The following POT1 variants were observed in gnomAD, a reference collection of about 807,000 sequenced individuals.
The protein encoded by POT1 is protection of telomeres protein 1.
A neutral mutation model predicts 78.5 loss-of-function variants in POT1; 47 were observed. The observed-to-expected ratio is 0.60, with a 90% CI of 0.47 to 0.76. The LOEUF (loss-of-function observed/expected upper bound fraction) is 0.76. Among genes scored for constraint, POT1 ranks in the 30% least tolerant of loss-of-function variants. POT1 has a pLI of 0.00. For synonymous variants in POT1, 259 were observed against 260.7 expected, an observed-to-expected ratio of 0.99 and a Z score of 0.06; for missense variants, 646 against 749.9, an observed-to-expected ratio of 0.86 and a Z score of 1.62.
At chr7:124,831,961 A>G (rs4731218) in intron 15 of POT1, among the ~76,000 whole-genome samples, 59,272 of 148,880 alleles carry the variant, frequency 0.4, 11,986 homozygotes, top group East Asian at 0.5. Context: ...TTGATATGGC[A>G]TTATACTACT....
intron 14 of POT1, 143 bp downstream of exon 14, chr7:124,840,830 C>T: frequency 1.7e-6 from 1 of 573,418 alleles, no homozygotes; most frequent in Non-Finnish European, 3.0e-6. Flanking sequence ...ACCTAGTTAA[C>T]ATATATATTC....
intron 6 of POT1, among the ~76,000 whole-genome samples, chr7:124,875,887 A>C (rs1479211975): frequency 6.6e-6 from 1 of 152,190 alleles, no homozygotes; most frequent in East Asian, 1.9e-4. Flanking sequence ...GCATTCTTTC[A>C]TCTTACATGA....
intron 6 of POT1, among the ~76,000 whole-genome samples, chr7:124,889,374 A>G (rs534697658): frequency 6.6e-6 from 1 of 152,102 alleles, no homozygotes; most frequent in Non-Finnish European, 1.5e-5. Context: ...ATGGCATTTC[A>G]GAAAAGAAGC....
At chr7:124,861,377 A>G (rs1018818146) in intron 8 of POT1, among the ~76,000 whole-genome samples, 3 of 152,162 alleles carry the variant, frequency 2.0e-5, no homozygotes, top group African/African-American at 7.2e-5. Flanking sequence ...TTCTTTTCAT[A>G]TGTCTGTTAG....
chr7:124,922,055 A>C (rs1320205009), intron 2 of POT1, among the ~76,000 whole-genome samples: 45 of 152,040 alleles, frequency 3.0e-4, no homozygotes, highest in Admixed American at 2.9e-3. Context: ...AAAAATGCAA[A>C]TCACATACGA....
intron 14 of POT1, among the ~76,000 whole-genome samples, chr7:124,838,865 A>G (rs747746289): frequency 3.9e-5 from 6 of 152,150 alleles, no homozygotes; most frequent in Non-Finnish European, 2.9e-5. Flanking sequence ...TCGGCCTCCC[A>G]AAGTGCTAAG....
chr7:124,851,805 G>T (rs1795312880), intron 11 of POT1, 67 bp downstream of exon 11: 1 of 1,088,726 alleles, frequency 9.2e-7, no homozygotes. Context: ...ACATTACAAA[G>T]AATTATGTTG....
chr7:124,830,006 T>C (rs1350751981), intron 15 of POT1, among the ~76,000 whole-genome samples: 1 of 152,134 alleles, frequency 6.6e-6, no homozygotes, highest in Non-Finnish European at 1.5e-5. Flanking sequence ...CCTCTGTAAG[T>C]AATATCTTAA....
intron 3 of POT1, among the ~76,000 whole-genome samples, chr7:124,902,004 C>G (rs1296957503): frequency 6.6e-6 from 1 of 152,068 alleles, no homozygotes; most frequent in Non-Finnish European, 1.5e-5. Context: ...TGAACAAAGC[C>G]TCCAAGAAAT....
At chr7:124,897,093 C>T in intron 5 of POT1, 72 bp downstream of exon 5, 1 of 900,438 alleles carries the variant, frequency 1.1e-6, no homozygotes, top group African/African-American at 1.7e-5. Flanking sequence ...AATATACATA[C>T]ACATGTATCT....
chr7:124,825,650 A>T (rs982853540), intron 17 of POT1, among the ~76,000 whole-genome samples: 8 of 152,166 alleles, frequency 5.3e-5, no homozygotes, highest in Non-Finnish European at 1.2e-4. Context: ...CTTTGTGCAT[A>T]GAAAAAAAAA....
chr7:124,906,971 A>C (rs143426845), intron 3 of POT1, among the ~76,000 whole-genome samples: 1,663 of 152,250 alleles, frequency 0.011, 37 homozygotes, highest in Non-Finnish European at 0.011. Context: ...AGCTTCTGAG[A>C]AGAGCATACT....
chr7:124,928,701 T>C (rs1048563965), intron 2 of POT1, 114 bp downstream of exon 2: 26 of 152,566 alleles, frequency 1.7e-4, no homozygotes, highest in African/African-American at 6.3e-4. Flanking sequence ...CAATCTCAAA[T>C]GTTATGACAA....
intron 13 of POT1, among the ~76,000 whole-genome samples, 193 bp downstream of exon 13, chr7:124,842,614 C>G (rs548795649): frequency 7.2e-4 from 109 of 152,056 alleles, no homozygotes; most frequent in African/African-American, 2.5e-3. Context: ...CTGAAAATAG[C>G]ACCCACTTTT....
chr7:124,826,810 A>C (rs922957808), intron 17 of POT1, among the ~76,000 whole-genome samples: 1 of 152,240 alleles, frequency 6.6e-6, no homozygotes, highest in Non-Finnish European at 1.5e-5. Context: ...CGGAGGTTGC[A>C]GTGAGCTGAG....
At chr7:124,910,750 C>G (rs1157808371) in intron 3 of POT1, among the ~76,000 whole-genome samples, 1 of 151,932 alleles carries the variant, frequency 6.6e-6, no homozygotes, top group Non-Finnish European at 1.5e-5. Context: ...CATCATACCT[C>G]AAAACATCTA....
intron 3 of POT1, among the ~76,000 whole-genome samples, chr7:124,914,425 T>C (rs780975700): frequency 6.6e-6 from 1 of 152,096 alleles, no homozygotes; most frequent in African/African-American, 2.4e-5. Context: ...TCATTTTAGG[T>C]AGTATTGACA....
At chr7:124,887,097 C>G (rs1025986744) in intron 6 of POT1, among the ~76,000 whole-genome samples, 13 of 151,956 alleles carry the variant, frequency 8.6e-5, no homozygotes, top group Non-Finnish European at 1.6e-4. Context: ...CCAGAAGGGG[C>G]AGCACACGTA....
chr7:124,891,332 C>T (rs1234229565), intron 6 of POT1, among the ~76,000 whole-genome samples: 1 of 151,672 alleles, frequency 6.6e-6, no homozygotes, highest in Non-Finnish European at 1.5e-5. Context: ...ATGGCCACTT[C>T]TCCTCTTTTG....
Sources: allele counts gnomAD v4.1 joint callset (sites outside exome capture counted in the v4.1 genomes callset), GRCh38; gene constraint gnomAD v4.1.1; transcripts MANE v1.5; gene names NCBI Gene and HGNC (gene_info 2026-07-23, HGNC 2026-07-21).